Variants in WDR27 observed in about 807,000 individuals in gnomAD.
WDR27 encodes the protein WD repeat-containing protein 27.
In WDR27, 100 loss-of-function variants were observed where a neutral mutation model predicts 114.4. That is an observed-to-expected ratio of 0.87 (90% CI 0.74 to 1.03). WDR27 has a LOEUF of 1.03. Ranked by LOEUF, WDR27 falls within the 50% of genes least tolerant of loss-of-function variation. WDR27 has a pLI of 0.00. For synonymous variants in WDR27, 449 were observed against 423.1 expected (o/e 1.06, Z -0.75); for missense variants, 1,129 against 1,092.9 (o/e 1.03, Z -0.47).
chr6:169,660,281 CGCCTCGGCCGGGTTTACGCTGTGCGA>C (rs1825703208), intron 10 of WDR27, among the ~76,000 whole-genome samples: 1 of 152,096 alleles, frequency 6.6e-6, no homozygotes, highest in African/African-American at 2.4e-5. Context: ...GAGAGGAGTG[CGCCTCGGCCGGGTTTACGCTGTGCGA>C]GCCTGGGGCT....
intron 25 of WDR27, among the ~76,000 whole-genome samples, chr6:169,556,086 A>G (rs1584192148): frequency 6.6e-6 from 1 of 152,146 alleles, no homozygotes; most frequent in African/African-American, 2.4e-5. Context: ...ATGCCTGTGC[A>G]CACAGTTGCA....
chr6:169,452,437 A>G (rs1318892875), downstream of WDR27, among the ~76,000 whole-genome samples: 1 of 152,240 alleles, frequency 6.6e-6, no homozygotes, highest in Non-Finnish European at 1.5e-5. Flanking sequence ...TGTGAGGATC[A>G]CCCTGTGAAG....
At chr6:169,624,629 A>C (rs1584685787) in intron 21 of WDR27, among the ~76,000 whole-genome samples, 1 of 152,220 alleles carries the variant, frequency 6.6e-6, no homozygotes, top group African/African-American at 2.4e-5. Context: ...TAATAACTAA[A>C]GAAAACTTCA....
At chr6:169,537,313 A>G (rs1362343165) in intron 25 of WDR27, among the ~76,000 whole-genome samples, 1 of 152,202 alleles carries the variant, frequency 6.6e-6, no homozygotes, top group African/African-American at 2.4e-5. Flanking sequence ...GTGTGCTGTG[A>G]TGAACATAGA....
intron 25 of WDR27, among the ~76,000 whole-genome samples, chr6:169,468,313 T>A (rs960112018): frequency 6.6e-6 from 1 of 152,192 alleles, no homozygotes; most frequent in Non-Finnish European, 1.5e-5. Flanking sequence ...GTTACACAGT[T>A]TCAAAGTTGC....
At chr6:169,601,986 C>G (rs1376051716) in intron 23 of WDR27, among the ~76,000 whole-genome samples, 1 of 152,166 alleles carries the variant, frequency 6.6e-6, no homozygotes, top group African/African-American at 2.4e-5. Context: ...CAACAAGTAT[C>G]TGTGAAATGA....
chr6:169,664,829 A>G, intron 7 of WDR27: 1 of 993,030 alleles, frequency 1.0e-6, no homozygotes, highest in Non-Finnish European at 1.2e-6. Flanking sequence ...TGTAAAGATG[A>G]CAGGAAAGGG....
chr6:169,582,637 A>G (rs1489416356), intron 24 of WDR27, among the ~76,000 whole-genome samples, 199 bp downstream of exon 24: 8 of 152,134 alleles, frequency 5.3e-5, no homozygotes, highest in Admixed American at 2.6e-4. Context: ...TTCCAGATTC[A>G]TTTCTCCACA....
chr6:169,681,463 C>G (rs1450526156), intron 2 of WDR27, among the ~76,000 whole-genome samples: 1 of 152,220 alleles, frequency 6.6e-6, no homozygotes, highest in Non-Finnish European at 1.5e-5. Flanking sequence ...AGACCCACAC[C>G]TAGGTGGCTG....
chr6:169,631,159 A>G (rs770589400), intron 21 of WDR27, among the ~76,000 whole-genome samples: 18 of 152,218 alleles, frequency 1.2e-4, no homozygotes, highest in Non-Finnish European at 2.1e-4. Context: ...TTTGTGAAGT[A>G]TGCCGTTTTC....
At chr6:169,502,024 T>C (rs1320069671) in intron 25 of WDR27, among the ~76,000 whole-genome samples, 1 of 152,164 alleles carries the variant, frequency 6.6e-6, no homozygotes, top group Admixed American at 6.5e-5. Flanking sequence ...CCGGTGGCCA[T>C]GCCTGGGGCA....
chr6:169,480,996 G>C (rs1787966090), intron 25 of WDR27, among the ~76,000 whole-genome samples: 2 of 151,806 alleles, frequency 1.3e-5, no homozygotes, highest in Non-Finnish European at 2.9e-5. Context: ...GATTGCAAAT[G>C]CACCAATCAG....
At chr6:169,562,686 T>C (rs1799838174) in intron 25 of WDR27, among the ~76,000 whole-genome samples, 1 of 152,078 alleles carries the variant, frequency 6.6e-6, no homozygotes, top group African/African-American at 2.4e-5. Flanking sequence ...GGAGGGCACA[T>C]GGGCATCACA....
At chr6:169,498,438 A>G (rs118074318) in intron 25 of WDR27, among the ~76,000 whole-genome samples, 2,725 of 152,306 alleles carry the variant, frequency 0.018, 35 homozygotes, top group Non-Finnish European at 0.024. Context: ...TAGGTTGGCA[A>G]ATTTTATGTT....
At chr6:169,680,463 T>C (rs1024724165) in intron 2 of WDR27, among the ~76,000 whole-genome samples, 2 of 152,062 alleles carry the variant, frequency 1.3e-5, no homozygotes, top group African/African-American at 4.8e-5. Flanking sequence ...CCGCCTGTAG[T>C]CCCAGCTACT....
At chr6:169,675,918 A>G (rs986282080) in intron 2 of WDR27, among the ~76,000 whole-genome samples, 1 of 152,210 alleles carries the variant, frequency 6.6e-6, no homozygotes, top group Non-Finnish European at 1.5e-5. Context: ...TCTATAGAAT[A>G]TGGATTTTTC....
In WDR27 at chr6:169,659,879, GA is replaced by G. The variant is rs1268470626; in HGVS notation, c.1130-362del. On this transcript the variant is annotated intron_variant, in intron 10 of 25. Transcript: ENST00000448612. The surrounding 1 kb of genome is among the most constrained non-coding windows in gnomAD (Gnocchi z 4.3). ...TAGAGCTGTGACCATTTGGGGGAAG[GA>G]AAGGCTGAGTTTTCAAGGAGAAGCT... Among the ~76,000 whole-genome samples, 3 of 152,026 alleles carry G rather than the reference GA, an allele frequency of 2.0e-5. No homozygotes were observed. The highest frequency in any genetic ancestry group is 4.4e-5 in the Non-Finnish European group (3 of 68,012).
intron 21 of WDR27, among the ~76,000 whole-genome samples, chr6:169,625,472 C>T (rs184006121): frequency 7.2e-5 from 11 of 152,318 alleles, no homozygotes; most frequent in East Asian, 3.9e-4. Flanking sequence ...AGGGTCTGCC[C>T]GTGACCCGGG....
intron 7 of WDR27, chr6:169,664,596 C>T (rs1827259534): frequency 7.5e-6 from 9 of 1,202,692 alleles, no homozygotes; most frequent in Non-Finnish European, 9.3e-6. Context: ...CTGCACACAC[C>T]CCACAGCTTC....
Sources: allele counts gnomAD v4.1 joint callset (sites outside exome capture counted in the v4.1 genomes callset), GRCh38; gene constraint gnomAD v4.1.1; non-coding constraint Gnocchi (gnomAD v3.1); transcripts MANE v1.5; gene names NCBI Gene and HGNC (gene_info 2026-07-23, HGNC 2026-07-21).